PTPRS: variants seen among roughly 807,000 people sequenced by gnomAD.
The protein encoded by PTPRS is protein tyrosine phosphatase receptor type S.
PTPRS carries 63 observed loss-of-function variants against 215.3 expected under a neutral mutation model. That is an observed-to-expected ratio of 0.29 (90% CI 0.24 to 0.36). The LOEUF is 0.36. Ranked by LOEUF, PTPRS falls within the 10% of genes least tolerant of loss-of-function variation. The probability of loss-of-function intolerance (pLI) is 1.00; values close to 1 mark genes in which losing one functional copy is unlikely to be tolerated. For synonymous variants in PTPRS, 1,404 were observed against 1,191.4 expected (o/e 1.18, Z -3.68); for missense variants, 2,258 against 2,825.8 (o/e 0.80, Z 4.56).
rs199851847 is a variant in PTPRS at position 5,244,212 on chromosome 19, C to T, written c.1259G>A (p.Arg420His). 27 of 1,607,590 alleles carry T rather than the reference C, an allele frequency of 1.7e-5. 1 individual carries two copies. The highest frequency in any genetic ancestry group is 6.7e-5 in the East Asian group (3 of 44,838). The change falls in exon 11 of 38, where the codon CGC (arginine) becomes CAC (histidine). Residue 420 changes from arginine to histidine, a missense_variant. Coordinates refer to ENST00000262963, the MANE Select transcript of PTPRS (RefSeq NM_002850.4). The surrounding 1 kb of genome is among the most constrained non-coding windows in gnomAD (Gnocchi z 7.2). ...GCTGGCCGGGGCCTGCTCGCCTGTG[C>T]GGGTGACCACGGACTCGCTGGGGGG... Reference protein sequence around the residue: ...QGPPSESVVTRTGEQAPASAP... With the variant: ...QGPPSESVVTHTGEQAPASAP...
intron 7 of PTPRS, among the ~76,000 whole-genome samples, chr19:5,258,642 G>A (rs1170783879): frequency 2.0e-5 from 3 of 152,214 alleles, no homozygotes; most frequent in Non-Finnish European, 4.4e-5. Context: ...CCTCAGTTGT[G>A]TTTGGAATCC....
chr19:5,302,277 T>C (rs1372997568), intron 1 of PTPRS, among the ~76,000 whole-genome samples: 2 of 152,074 alleles, frequency 1.3e-5, no homozygotes, highest in East Asian at 1.9e-4. Flanking sequence ...GGCAGGAGGA[T>C]TGCTTGTGAC....
Position 5,229,320 on chromosome 19 carries a change from T to TCGGC in PTPRS, c.2368_2371dup (p.Glu791GlyfsTer4). 2 of 1,379,250 alleles carry TCGGC rather than the reference T, an allele frequency of 1.5e-6. No individual in the cohort carries two copies. Among genetic ancestry groups the TCGGC allele is most frequent in the Non-Finnish European group, 1.9e-6 (2 of 1,061,330 alleles). 85.4% of individuals were successfully genotyped at this position (1,379,250 alleles called of 1,614,324 possible). A position where few individuals can be genotyped will look rare whatever the true frequency, so the allele number is the denominator to read the frequency against. Reference sequence around the variant, plus strand: ...GTGGCCAGGGGCGCTACTTACATATTCGGCCGTGTCATCCGTCTCCCACTG... The same window carrying TCGGC: ...GTGGCCAGGGGCGCTACTTACATATTCGGCCGGCCGTGTCATCCGTCTCCCACTG... On this transcript the variant is annotated frameshift_variant, in exon 16 of 38. Coordinates refer to ENST00000262963, the MANE Select transcript of PTPRS (RefSeq NM_002850.4). LOFTEE classifies it high-confidence loss of function.
chr19:5,314,561 A>AT (rs35381607), intron 1 of PTPRS, among the ~76,000 whole-genome samples: 220 of 148,008 alleles, frequency 1.5e-3, no homozygotes, highest in South Asian at 2.8e-3. Context: ...TTAAAAAAAA[A>AT]TTTTTTTTTT....
Position 5,210,443 on chromosome 19 carries a change from T to A in PTPRS, c.5487+26A>T. 1 of 1,613,588 alleles carries A rather than the reference T, an allele frequency of 6.2e-7. No homozygotes were observed. Among genetic ancestry groups the A allele is most frequent in the South Asian group, 1.1e-5 (1 of 91,046 alleles). ...TCCAGATCACTAAGGCTCCAGCCCC[T>A]CCCGCCAGTCTGTCTCTTCACTCAC... On this transcript the variant is annotated intron_variant, in intron 35 of 37. Coordinates refer to ENST00000262963, the MANE Select transcript of PTPRS (RefSeq NM_002850.4). The surrounding 1 kb of genome is among the most constrained non-coding windows in gnomAD (Gnocchi z 4.5).
At chr19:5,254,557 AAG>A (rs1007612302) in intron 9 of PTPRS, among the ~76,000 whole-genome samples, 1 of 152,086 alleles carries the variant, frequency 6.6e-6, no homozygotes, top group Non-Finnish European at 1.5e-5. Context: ...AGAGTTGAAA[AAG>A]AGAAAGAGAA....
chr19:5,288,395 C>T (rs1395310885), intron 1 of PTPRS, among the ~76,000 whole-genome samples: 6 of 152,232 alleles, frequency 3.9e-5, no homozygotes, highest in Non-Finnish European at 8.8e-5. Context: ...ACTCTAGGTA[C>T]ACCTTGCACA....
chr19:5,278,263 G>A (rs1192112360), intron 2 of PTPRS: 8 of 366,078 alleles, frequency 2.2e-5, no homozygotes, highest in Non-Finnish European at 4.0e-5. Flanking sequence ...CTTCTGCCCA[G>A]GCTGGAGTGC....
In PTPRS at chr19:5,222,826, G is replaced by T; in HGVS notation, c.2966C>A (p.Pro989Gln). 1 of 1,595,204 alleles carries T rather than the reference G, an allele frequency of 6.3e-7. No individual in the cohort carries two copies. The change falls in exon 18 of 38, where the codon CCG becomes CAG. Residue 989 changes from proline to glutamine, a missense_variant. Pro to Gln is a moderately conservative substitution (Grantham distance 76, BLOSUM62 -1). Transcript: ENST00000262963. ...CAGCGTGAGCGCGTTCTCCGCGCCC[G>T]GCTCAGCCGCTGCCGGCAGCTCAGT... Reference protein sequence around the residue: ...RETELPAAAEPGAENALTLQG... With the variant: ...RETELPAAAEQGAENALTLQG...
Position 5,219,954 on chromosome 19 carries a change from A to T in PTPRS, c.3750T>A (p.Leu1250=). The change falls in exon 22 of 38, where the codon CTT becomes CTA. Residue 1250 remains leucine, a synonymous_variant. Transcript: ENST00000262963. ...CAGGACTTACAGGCTCGCTCTTCTG[A>T]AGCACGGCAAGCACGAAGAGGACAT... ...HRYVLFVLAV[L]QKSEPTFAAS... is the part of the protein sequence containing the mutation. 6.2e-7 allele frequency: 1 copy of T among 1,613,694 alleles called. No homozygotes were observed. The highest frequency in any genetic ancestry group is 8.5e-7 in the Non-Finnish European group (1 of 1,179,816).
chr19:5,327,676 C>A (rs977780601), intron 1 of PTPRS, among the ~76,000 whole-genome samples: 2 of 152,132 alleles, frequency 1.3e-5, no homozygotes, highest in Non-Finnish European at 2.9e-5. Flanking sequence ...TCATAGCTCA[C>A]TGCAGCCTCA....
At chr19:5,270,818 T>C (rs2046845388) in intron 4 of PTPRS, among the ~76,000 whole-genome samples, 1 of 152,114 alleles carries the variant, frequency 6.6e-6, no homozygotes, top group Non-Finnish European at 1.5e-5. Context: ...CTAATTTTTG[T>C]ATTTTTAGTA....
intron 4 of PTPRS, among the ~76,000 whole-genome samples, chr19:5,271,849 T>C (rs2046939724): frequency 6.6e-6 from 1 of 151,704 alleles, no homozygotes; most frequent in African/African-American, 2.4e-5. Context: ...CTCAGCCTCC[T>C]GAGCAGCTGG....
At chr19:5,236,787 T>C (rs1329287867) in intron 13 of PTPRS, among the ~76,000 whole-genome samples, 1 of 150,800 alleles carries the variant, frequency 6.6e-6, no homozygotes, top group Non-Finnish European at 1.5e-5. Context: ...TCCCCATTTC[T>C]TGACCAGCCA....
intron 18 of PTPRS, 47 bp downstream of exon 18, chr19:5,222,642 G>GGGGGGGGGGGGGC (rs2145399358): frequency 2.2e-6 from 3 of 1,369,300 alleles, no homozygotes; most frequent in Non-Finnish European, 2.9e-6. Flanking sequence ...GTGGGGGTGG[G>GGGGGGGGGGGGGC]CGCAAGGCCC....
intron 4 of PTPRS, among the ~76,000 whole-genome samples, chr19:5,265,879 G>A (rs1203977309): frequency 6.6e-6 from 1 of 152,160 alleles, no homozygotes; most frequent in South Asian, 2.1e-4. Flanking sequence ...TGGCCCCAAG[G>A]TCCACAGTGC....
chr19:5,239,960 T>C (rs973458339), intron 12 of PTPRS, among the ~76,000 whole-genome samples: 4 of 151,610 alleles, frequency 2.6e-5, no homozygotes, highest in African/African-American at 4.9e-5. Context: ...CGCCGATACA[T>C]ACGGAACCAG....
Position 5,250,990 on chromosome 19 carries a change from G to A in PTPRS, c.719-4945C>T, listed in dbSNP as rs28570223. The A allele has an allele frequency of 1.4e-3, 207 of 146,360 alleles. 13 individuals carry two copies. Among genetic ancestry groups the A allele is most frequent in the African/African-American group, 5.2e-3 (197 of 38,090 alleles). The allele number at this position is 146,360 out of a possible 1,614,324, so 9.1% of individuals were successfully genotyped here. ...CTCTGCTGGGCATTTTGGGGTGGGA[G>A]AAGATTCTAGATACTTCTCCAAACT... On this transcript the variant is annotated intron_variant, in intron 9 of 37. Coordinates refer to ENST00000262963, the MANE Select transcript of PTPRS (RefSeq NM_002850.4).
Position 5,218,466 on chromosome 19 carries a change from G to A in PTPRS, c.4002C>T (p.His1334=). 6.2e-7 allele frequency: 1 copy of A among 1,614,146 alleles called. No individual in the cohort carries two copies. Among genetic ancestry groups the A allele is most frequent in the African/African-American group, 1.3e-5 (1 of 75,020 alleles). The change falls in exon 25 of 38, where the codon CAC becomes CAT. Residue 1334 remains histidine, a synonymous_variant. Transcript: ENST00000262963. ...LLNNADLAPH[H]PKDPVEMRRI... The stretch of plus-strand genomic sequence containing the variant: ...GTCTCATTTCCACAGGGTCCTTGGG[G>A]TGGTGAGGGGCGAGGTCGGCATTGT...
Sources: gnomAD v4.1 joint callset for allele counts (sites outside exome capture counted in the v4.1 genomes callset) on GRCh38, gnomAD v4.1.1 for gene constraint, Gnocchi (gnomAD v3.1) non-coding constraint, MANE v1.5 for transcripts, NCBI Gene and HGNC (gene_info 2026-07-23, HGNC 2026-07-21) for gene names.